Variants in GRID2 observed in about 807,000 individuals in gnomAD.
GRID2 encodes the protein glutamate ionotropic receptor delta type subunit 2.
A neutral mutation model predicts 114.8 loss-of-function variants in GRID2; 33 were observed. The ratio of observed to expected loss-of-function variants is 0.29; its 90% CI spans 0.22 to 0.38. The LOEUF is 0.38. Ranked by LOEUF, GRID2 falls within the 10% of genes least tolerant of loss-of-function variation. The probability of loss-of-function intolerance (pLI) is 1.00; values close to 1 mark genes in which losing one functional copy is unlikely to be tolerated. For synonymous variants in GRID2, 505 were observed against 449.9 expected, an observed-to-expected ratio of 1.12 and a Z score of -1.55; for missense variants, 1,184 against 1,257.7, an observed-to-expected ratio of 0.94 and a Z score of 0.89.
At chr4:93,136,455 T>A (rs1735260978) in intron 4 of GRID2, among the ~76,000 whole-genome samples, 1 of 152,142 alleles carries the variant, frequency 6.6e-6, no homozygotes, top group Admixed American at 6.6e-5. Flanking sequence ...CTGGATGACA[T>A]GACAATCCTG....
chr4:93,228,403 TG>T (rs1006265903), intron 7 of GRID2, among the ~76,000 whole-genome samples: 11 of 152,330 alleles, frequency 7.2e-5, no homozygotes, highest in African/African-American at 2.6e-4. Flanking sequence ...AAAACTCTCA[TG>T]ATCTATTTAT....
chr4:92,906,332 T>C (rs1747949036), intron 2 of GRID2, among the ~76,000 whole-genome samples: 1 of 149,512 alleles, frequency 6.7e-6, no homozygotes, highest in South Asian at 2.1e-4. Flanking sequence ...CTTTTATGTA[T>C]GTGCTCTAGG....
At chr4:92,641,045 A>G (rs550018303) in intron 2 of GRID2, among the ~76,000 whole-genome samples, 1 of 151,660 alleles carries the variant, frequency 6.6e-6, no homozygotes, top group Admixed American at 6.6e-5. Context: ...GAAAGAAAAA[A>G]CTTGTCAAAT....
chr4:92,520,920 A>G (rs1467792579), intron 1 of GRID2, among the ~76,000 whole-genome samples: 1 of 151,972 alleles, frequency 6.6e-6, no homozygotes, highest in Non-Finnish European at 1.5e-5. Context: ...ATTGTGGATC[A>G]CTAGAGGAAA....
chr4:92,690,710 G>A (rs1404965099), intron 2 of GRID2, among the ~76,000 whole-genome samples: 1 of 151,694 alleles, frequency 6.6e-6, no homozygotes, highest in Admixed American at 6.6e-5. Flanking sequence ...GAAAACTGAG[G>A]CACTTTACTG....
chr4:92,787,403 G>A (rs1037460632), intron 2 of GRID2, among the ~76,000 whole-genome samples: 9 of 151,978 alleles, frequency 5.9e-5, no homozygotes, highest in Admixed American at 2.6e-4. Context: ...GAGGAGGCTC[G>A]TGTAGGCTTC....
intron 2 of GRID2, among the ~76,000 whole-genome samples, chr4:92,894,264 T>C (rs1392883978): frequency 1.3e-5 from 2 of 152,146 alleles, no homozygotes; most frequent in Non-Finnish European, 2.9e-5. Flanking sequence ...GGTGGTCTTC[T>C]TTTATTAGCT....
intron 8 of GRID2, among the ~76,000 whole-genome samples, chr4:93,269,693 T>G (rs1193456874): frequency 6.6e-6 from 1 of 152,186 alleles, no homozygotes. Flanking sequence ...ATTGGGAGAT[T>G]TAGTCATAAG....
intron 8 of GRID2, among the ~76,000 whole-genome samples, chr4:93,336,964 C>CA (rs144343709): frequency 0.25 from 38,274 of 151,712 alleles, 8,063 homozygotes; most frequent in African/African-American, 0.58. Flanking sequence ...ATGTGGCATC[C>CA]AAAAATTATT....
At chr4:93,768,551 TTC>T (rs1733859439) in intron 14 of GRID2, among the ~76,000 whole-genome samples, 1 of 152,236 alleles carries the variant, frequency 6.6e-6, no homozygotes, top group African/African-American at 2.4e-5. Flanking sequence ...TCAGGTTTTC[TTC>T]TTGTTTTCCA....
intron 13 of GRID2, among the ~76,000 whole-genome samples, chr4:93,583,005 G>T (rs531872083): frequency 3.9e-5 from 6 of 152,262 alleles, no homozygotes; most frequent in Admixed American, 1.3e-4. Context: ...CATCCATCCT[G>T]TCCTGCCTCT....
intron 8 of GRID2, among the ~76,000 whole-genome samples, chr4:93,386,974 G>T (rs577212327): frequency 6.6e-6 from 1 of 152,238 alleles, no homozygotes; most frequent in Non-Finnish European, 1.5e-5. Context: ...TGCAACTCCC[G>T]TCAGACACTG....
At chr4:93,471,965 G>T (rs1478741888) in intron 11 of GRID2, among the ~76,000 whole-genome samples, 1 of 150,352 alleles carries the variant, frequency 6.7e-6, no homozygotes, top group Non-Finnish European at 1.5e-5. Flanking sequence ...CTCCCAAAGT[G>T]CTGGAATTAT....
intron 1 of GRID2, among the ~76,000 whole-genome samples, chr4:92,587,068 A>G (rs1728484326): frequency 6.7e-6 from 1 of 150,346 alleles, no homozygotes; most frequent in Non-Finnish European, 1.5e-5. Flanking sequence ...TTTGGCCAAT[A>G]AGAAATATAT....
chr4:92,631,812 A>G (rs1730821207), intron 2 of GRID2, among the ~76,000 whole-genome samples: 1 of 152,182 alleles, frequency 6.6e-6, no homozygotes, highest in Non-Finnish European at 1.5e-5. Context: ...CTACATTGAT[A>G]TAGGATATTT....
chr4:93,351,743 G>A (rs1760825099), intron 8 of GRID2, among the ~76,000 whole-genome samples: 2 of 152,044 alleles, frequency 1.3e-5, no homozygotes, highest in Non-Finnish European at 2.9e-5. Flanking sequence ...TATAGATAAA[G>A]AATGGGAGAC....
chr4:93,136,024 A>C (rs531289377), intron 4 of GRID2, among the ~76,000 whole-genome samples: 7 of 152,318 alleles, frequency 4.6e-5, no homozygotes, highest in African/African-American at 1.7e-4. Context: ...TATTCAAATT[A>C]ATTACAGGTT....
chr4:93,496,968 A>G (rs909438635), intron 12 of GRID2, among the ~76,000 whole-genome samples: 1 of 151,532 alleles, frequency 6.6e-6, no homozygotes, highest in South Asian at 2.1e-4. Context: ...TAATTTCCAG[A>G]GTGGCTGTAC....
intron 1 of GRID2, among the ~76,000 whole-genome samples, chr4:92,304,979 T>C (rs1423989224): frequency 1.3e-5 from 2 of 152,234 alleles, no homozygotes; most frequent in African/African-American, 2.4e-5. Context: ...TGTGGCTGGA[T>C]GCGTGGGGGT....
Sources: allele counts gnomAD v4.1 joint callset (sites outside exome capture counted in the v4.1 genomes callset), GRCh38; gene constraint gnomAD v4.1.1; transcripts MANE v1.5; gene names NCBI Gene and HGNC (gene_info 2026-07-23, HGNC 2026-07-21).